Variants in SHOX observed in about 807,000 individuals in gnomAD.
SHOX encodes SHOX homeobox, also known as short stature homeobox protein.
In SHOX, 12 loss-of-function variants were observed where a neutral mutation model predicts 29.6. That is an observed-to-expected ratio of 0.41 (90% CI 0.26 to 0.66). The LOEUF is 0.66. Among genes scored for constraint, SHOX ranks in the 30% least tolerant of loss-of-function variants. SHOX has a pLI of 0.35. For synonymous variants in SHOX, 214 were observed against 200.6 expected, an observed-to-expected ratio of 1.07 and a Z score of -0.57; for missense variants, 499 against 437.7, an observed-to-expected ratio of 1.14 and a Z score of -1.25.
chrX:632,327 G>A (rs184948188), intron 1 of SHOX, among the ~76,000 whole-genome samples: 1 of 152,300 alleles, frequency 6.6e-6, no homozygotes, highest in Non-Finnish European at 1.5e-5. Flanking sequence ...TCAGAGAGAG[G>A]GGCTGGCCCC....
upstream of SHOX, chrX:630,512 A>C: frequency 2.3e-5 from 8 of 340,908 alleles, no homozygotes; most frequent in Non-Finnish European, 3.3e-5. Context: ...GAACGCGGGT[A>C]ACCTGTGTGG....
upstream of SHOX, among the ~76,000 whole-genome samples, chrX:627,671 C>T (rs776772807): frequency 1.3e-5 from 2 of 151,966 alleles, no homozygotes; most frequent in Non-Finnish European, 2.9e-5. Flanking sequence ...CTTGAATAGC[C>T]ACACAGCTCC....
intron 2 of SHOX, among the ~76,000 whole-genome samples, chrX:635,916 G>A (rs1447449612): frequency 2.0e-5 from 3 of 151,430 alleles, no homozygotes; most frequent in Non-Finnish European, 4.4e-5. Context: ...TGGGGACCCC[G>A]TCAAAAATAA....
rs2053055920 is a variant in SHOX, at chrX:651,212, G to T, written c.*6576G>T. The T allele has an allele frequency of 4.7e-6, 2 of 427,778 alleles. No homozygotes were observed. The highest frequency in any genetic ancestry group is 6.7e-4 in the Middle Eastern group (2 of 2,968). 26.5% of individuals were successfully genotyped at this position (427,778 alleles called of 1,614,324 possible). ...TATTTTTATATTTCTGAAAACTGTTGCTTTTTCTTTTTCCCTCCCCCATTG... is the reference window on the plus strand; with the variant it reads ...TATTTTTATATTTCTGAAAACTGTTTCTTTTTCTTTTTCCCTCCCCCATTG... On this transcript the variant is annotated 3_prime_UTR_variant, in exon 5 of 5. Coordinates refer to ENST00000686671, the MANE Select transcript of SHOX (RefSeq NM_000451.4).
chrX:635,870 GA>G (rs2052737806), intron 2 of SHOX, among the ~76,000 whole-genome samples: 2 of 151,564 alleles, frequency 1.3e-5, no homozygotes. Flanking sequence ...GAGAGAGAGA[GA>G]GAGAGAGAGA....
upstream of SHOX, among the ~76,000 whole-genome samples, chrX:627,507 C>G (rs1250717293): frequency 6.6e-6 from 1 of 152,130 alleles, no homozygotes; most frequent in Non-Finnish European, 1.5e-5. Context: ...TTTCGCGTAG[C>G]CAGAAACTCT....
chrX:624,908 TC>T (rs1330806135), intron 1 of SHOX, among the ~76,000 whole-genome samples: 9 of 81,608 alleles, frequency 1.1e-4, no homozygotes, highest in African/African-American at 4.9e-4. Context: ...CTTTCTCTCT[TC>T]CTTTCTTTCT....
Position 631,122 on chromosome X carries a change from A to G in SHOX, c.225A>G (p.Val75=). ...CGGTGCATTTGTTCAAGGACCACGT[A>G]GACAATGACAAGGAGAAACTGAAAG... ...HCPVHLFKDH[V]DNDKEKLKEF... is the part of the protein sequence containing the mutation. Residue 75 remains valine (V), a synonymous_variant, in exon 1 of 5, where the codon GTA becomes GTG. Transcript: ENST00000686671. 1.2e-6 allele frequency: 2 copies of G among 1,613,640 alleles called. No homozygotes were observed. Among genetic ancestry groups the G allele is most frequent in the Non-Finnish European group, 1.7e-6 (2 of 1,179,860 alleles).
In SHOX at chrX:650,535, A is replaced by C. The variant is rs1387497781; in HGVS notation, c.*5899A>C. On this transcript the variant is annotated 3_prime_UTR_variant, in exon 5 of 5. Transcript: ENST00000686671. ...TTGGTGCCAAGCTCTGGTCAGGATG[A>C]AAGGGAAATACCAGAGTCCTCTGTC... Among the ~76,000 whole-genome samples, 1 of 151,990 alleles carries C rather than the reference A, an allele frequency of 6.6e-6. No individual in the cohort carries two copies. Among genetic ancestry groups the C allele is most frequent in the African/African-American group, 2.4e-5 (1 of 41,394 alleles).
chrX:637,397 A>C (rs1354609140), intron 2 of SHOX, among the ~76,000 whole-genome samples: 1 of 151,998 alleles, frequency 6.6e-6, no homozygotes, highest in Non-Finnish European at 1.5e-5. Context: ...ATTTAATTCC[A>C]CACTATTTCT....
intron 2 of SHOX, 58 bp downstream of exon 2, chrX:634,884 G>A (rs1170249778): frequency 2.7e-5 from 41 of 1,517,540 alleles, no homozygotes; most frequent in Non-Finnish European, 3.1e-5. Flanking sequence ...CCTCGGGAGC[G>A]CACAGCACGC....
chrX:630,244 G>C (rs2052622117), upstream of SHOX, among the ~76,000 whole-genome samples: 1 of 152,014 alleles, frequency 6.6e-6, no homozygotes, highest in Non-Finnish European at 1.5e-5. Context: ...TCCATCCAAG[G>C]GCGCGCCGCC....
intron 2 of SHOX, among the ~76,000 whole-genome samples, chrX:635,866 G>C (rs903720470): frequency 2.3e-4 from 35 of 149,054 alleles, no homozygotes; most frequent in Non-Finnish European, 4.1e-4. Context: ...GGGAGAGAGA[G>C]AGAGAGAGAG....
Position 651,406 on chromosome X carries a change from CA to C in SHOX, c.*6773del, listed in dbSNP as rs2053060573. ...GAGGGGTAGAAAAAAAACAAACAAA[CA>C]AACAGAAAAAAAAACCAAAAAAAAC... On this transcript the variant is annotated 3_prime_UTR_variant, in exon 5 of 5. Coordinates refer to ENST00000686671, the MANE Select transcript of SHOX (RefSeq NM_000451.4). 1 of 423,808 alleles carries C rather than the reference CA, an allele frequency of 2.4e-6. No individual in the cohort carries two copies. The allele number at this position is 423,808 out of a possible 1,614,324, so 26.3% of individuals were successfully genotyped here.
At position 651,410 on chromosome X, in the gene SHOX, CAGA is replaced by C. The variant is rs1569496100; in HGVS notation, c.*6776_*6778del. On this transcript the variant is annotated 3_prime_UTR_variant, in exon 5 of 5. Transcript: ENST00000686671. ...GGTAGAAAAAAAACAAACAAACAAACAGAAAAAAAAACCAAAAAAAACCACCCT... is the reference window on the plus strand; with the variant it reads ...GGTAGAAAAAAAACAAACAAACAAACAAAAAAAACCAAAAAAAACCACCCT... The C allele has an allele frequency of 8.6e-4, 353 of 412,260 alleles. 2 individuals are homozygous for C. The highest frequency in any genetic ancestry group is 7.6e-3 in the African/African-American group (292 of 38,454). The allele number at this position is 412,260 out of a possible 1,614,324, so 25.5% of individuals were successfully genotyped here.
At chrX:642,927 G>T (rs2052882749) in intron 4 of SHOX, among the ~76,000 whole-genome samples, 1 of 151,228 alleles carries the variant, frequency 6.6e-6, no homozygotes, top group South Asian at 2.1e-4. Context: ...TTGGGGACCT[G>T]GTGACCTTGG....
At chrX:644,024 C>T (rs868219973) in intron 4 of SHOX, among the ~76,000 whole-genome samples, 21 of 65,480 alleles carry the variant, frequency 3.2e-4, no homozygotes, top group Non-Finnish European at 4.2e-4. Context: ...CCTGGTGTCC[C>T]CGGGAGAGGT....
Position 650,606 on chromosome X carries a change from C to T in SHOX, c.*5970C>T, listed in dbSNP as rs1224891166. Among the ~76,000 whole-genome samples the T allele has an allele frequency of 6.6e-6, 1 of 151,532 alleles. No homozygotes were observed. Among genetic ancestry groups the T allele is most frequent in the Non-Finnish European group, 1.5e-5 (1 of 67,950 alleles). On this transcript the variant is annotated 3_prime_UTR_variant, in exon 5 of 5. Transcript: ENST00000686671. ...TGACCTTTCTAACATTTGTTTTCCC[C>T]TAAGAACAAGCAGAAGCCTCCAGCT...
chrX:650,752 T>A lies in SHOX; in HGVS notation c.*6116T>A, dbSNP rs2053042067. Among the ~76,000 whole-genome samples the A allele has an allele frequency of 1.6e-5, 2 of 127,194 alleles. No individual in the cohort carries two copies. Among genetic ancestry groups the A allele is most frequent in the Admixed American group, 1.9e-4 (2 of 10,268 alleles). The allele number at this position is 127,194 out of a possible 152,430, so 83.4% of individuals were successfully genotyped here. ...GCTTGTCTCCTCCAGCTTTGGGAGG[T>A]CTGGGGAGGAGAGAGGCTTTCGGTG... On this transcript the variant is annotated 3_prime_UTR_variant, in exon 5 of 5. Coordinates refer to ENST00000686671, the MANE Select transcript of SHOX (RefSeq NM_000451.4).
Sources: allele counts gnomAD v4.1 joint callset (sites outside exome capture counted in the v4.1 genomes callset), GRCh38; gene constraint gnomAD v4.1.1; transcripts MANE v1.5; gene names NCBI Gene and HGNC (gene_info 2026-07-23, HGNC 2026-07-21).